The following MUC3A variants were observed in gnomAD, a reference collection of about 807,000 sequenced individuals.
MUC3A encodes mucin 3A, cell surface associated.
MUC3A carries 109 observed loss-of-function variants against 109.0 expected under a neutral mutation model. The ratio of observed to expected loss-of-function variants is 1.00; its 90% CI spans 0.86 to 1.17. MUC3A has a LOEUF of 1.17. Among genes scored for constraint, MUC3A ranks in the 50% most tolerant of loss-of-function variants. The pLI is 0.00. For missense variants in MUC3A, 3,537 were observed against 2,469.4 expected (o/e 1.43, Z -9.16); for synonymous variants, 1,398 against 981.4 (o/e 1.42, Z -7.93).
In MUC3A at chr7:100,965,709, T is replaced by C. The variant is rs1792509519; in HGVS notation, c.9454T>C (p.Cys3152Arg). 3 of 1,596,954 alleles carry C rather than the reference T, an allele frequency of 1.9e-6. No homozygotes were observed. The highest frequency in any genetic ancestry group is 1.1e-5 in the South Asian group (1 of 90,884). The change falls in exon 8 of 12, where the codon TGC (cysteine) becomes CGC (arginine). Residue 3152 changes from cysteine (C) to arginine (R), a missense_variant. Transcript: ENST00000379458. Reference protein sequence around the residue: ...SKTELTPAAICRRAAPTGYEE... With the variant: ...SKTELTPAAIRRRAAPTGYEE... ...TCCCCCTCCCCAACCCCCAGCCATCTGCCGCCGCGCCGCTCCCACGGGCTA... is the reference window on the plus strand; with the variant it reads ...TCCCCCTCCCCAACCCCCAGCCATCCGCCGCCGCGCCGCTCCCACGGGCTA...
At position 100,957,541 on chromosome 7, in the gene MUC3A, C is replaced by A. The variant is rs937434252; in HGVS notation, c.5762C>A (p.Thr1921Asn). ...IATTETPSHS[T>N]PRFTSSITTT... ...ACCACCGAGACCCCCTCACACAGTA[C>A]TCCCAGATTCACTTCTTCAATCACC... is the stretch of plus-strand genomic sequence containing the variant. Residue 1921 changes from threonine (T) to asparagine (N), a missense_variant, in exon 2 of 12, where the codon ACT (threonine) becomes AAT (asparagine). Thr to Asn is a moderately conservative substitution (Grantham distance 65). Transcript: ENST00000379458. The A allele has an allele frequency of 7.6e-6, 12 of 1,574,378 alleles. No homozygotes were observed. Among genetic ancestry groups the A allele is most frequent in the Non-Finnish European group, 1.0e-5 (12 of 1,168,826 alleles).
intron 8 of MUC3A, 144 bp downstream of exon 8, chr7:100,966,010 G>C (rs1191918292): frequency 4.5e-6 from 6 of 1,341,060 alleles, no homozygotes; most frequent in Middle Eastern, 2.6e-4. Flanking sequence ...GCCCATCCCC[G>C]TTGCCCTACA....
chr7:100,963,009 A>G, intron 3 of MUC3A, 142 bp from the exon 4 acceptor site: 1 of 885,014 alleles, frequency 1.1e-6, no homozygotes, highest in Non-Finnish European at 1.7e-6. Context: ...GAATTCCTAC[A>G]TCTGTTCCTG....
rs1792571629 is a variant in MUC3A, at chr7:100,966,571, G to C, written c.9785+12G>C. On this transcript the variant is annotated intron_variant, in intron 9 of 11. Coordinates refer to ENST00000379458, the MANE Select transcript of MUC3A (RefSeq NM_005960.2). ...CAGCGCCGAGGCCGGTGAGCGTGCG[G>C]GGGGCGGGGCCGGGGGGCGAGGGCA... is the stretch of plus-strand genomic sequence containing the variant. 3 of 1,521,740 alleles carry C rather than the reference G, an allele frequency of 2.0e-6. No homozygotes were observed. Among genetic ancestry groups the C allele is most frequent in the Non-Finnish European group, 2.6e-6 (3 of 1,145,532 alleles). The allele number at this position is 1,521,740 out of a possible 1,614,324, so 94.3% of individuals were successfully genotyped here. A position where few individuals can be genotyped will look rare whatever the true frequency, so the allele number is the denominator to read the frequency against.
chr7:100,966,001 C>T (rs1178328828), intron 8 of MUC3A, 135 bp downstream of exon 8: 19 of 1,374,110 alleles, frequency 1.4e-5, no homozygotes, highest in Non-Finnish European at 1.8e-5. Context: ...CCGCTCCAAG[C>T]CCATCCCCGT....
chr7:100,960,734 T>C lies in MUC3A; in HGVS notation c.8867-18T>C. On this transcript the variant is annotated intron_variant, in intron 2 of 11. Coordinates refer to ENST00000379458, the MANE Select transcript of MUC3A (RefSeq NM_005960.2). ...TCAGGCTTTATCCTGAGCTTCCCTT[T>C]CTTTCTGTGTTTTCCAGGCACCTGT... The C allele has an allele frequency of 6.3e-7, 1 of 1,595,384 alleles. No individual in the cohort carries two copies. Among genetic ancestry groups the C allele is most frequent in the Non-Finnish European group, 8.5e-7 (1 of 1,178,308 alleles).
At chr7:100,964,160 G>C (rs1792442178) in intron 5 of MUC3A, 2 of 323,772 alleles carry the variant, frequency 6.2e-6, no homozygotes, top group African/African-American at 2.1e-5. Flanking sequence ...CGTCAGGCCA[G>C]ATGTGGTGGC....
At chr7:100,951,225 AC>A (rs1207648124) in intron 1 of MUC3A, among the ~76,000 whole-genome samples, 3 of 152,226 alleles carry the variant, frequency 2.0e-5, no homozygotes, top group Non-Finnish European at 4.4e-5. Flanking sequence ...CGAACTCCTG[AC>A]CTCAAGTGAT....
chr7:100,960,906 T>G lies in MUC3A; in HGVS notation c.9021T>G (p.Ser3007Arg). The change falls in exon 3 of 12, where the codon AGT (serine) becomes AGG (arginine). Residue 3007 changes from serine (S) to arginine (R), a missense_variant. Transcript: ENST00000379458. ...CQCPSTFYGS[S>R]CEFAVEQVDL... Reference sequence around the variant, plus strand: ...GCCCCAGCACCTTCTATGGTTCCAGTTGTGAGTTTGCTGTGGAACAGGTGG... The same window carrying G: ...GCCCCAGCACCTTCTATGGTTCCAGGTGTGAGTTTGCTGTGGAACAGGTGG... The G allele has an allele frequency of 6.3e-7, 1 of 1,598,540 alleles. No individual in the cohort carries two copies. The highest frequency in any genetic ancestry group is 1.3e-5 in the African/African-American group (1 of 75,086).
At position 100,960,869 on chromosome 7, in the gene MUC3A, T is replaced by C. The variant is rs1792303578; in HGVS notation, c.8984T>C (p.Leu2995Pro). 6.3e-7 allele frequency: 1 copy of C among 1,598,382 alleles called. No homozygotes were observed. Among genetic ancestry groups the C allele is most frequent in the South Asian group, 1.1e-5 (1 of 91,096 alleles). Reference sequence around the variant, plus strand: ...CAGAATGGGGGTCAGTGGGATGGCCTCAAATGCCAGTGCCCCAGCACCTTC... The same window carrying C: ...CAGAATGGGGGTCAGTGGGATGGCCCCAAATGCCAGTGCCCCAGCACCTTC... Reference protein sequence around the residue: ...RCQNGGQWDGLKCQCPSTFYG... With the variant: ...RCQNGGQWDGPKCQCPSTFYG... The change falls in exon 3 of 12, where the codon CTC becomes CCC. Residue 2995 changes from leucine to proline, a missense_variant. Transcript: ENST00000379458.
At chr7:100,966,620 GCT>G in intron 9 of MUC3A, 30 bp from the exon 10 acceptor site, 1 of 1,598,396 alleles carries the variant, frequency 6.3e-7, no homozygotes, top group Non-Finnish European at 8.5e-7. Flanking sequence ...AGGCGGGCCG[GCT>G]CTGTCTGACC....
chr7:100,965,434 G>GGA (rs1563075628), intron 7 of MUC3A, 87 bp downstream of exon 7: 5 of 1,544,890 alleles, frequency 3.2e-6, no homozygotes, highest in Non-Finnish European at 4.3e-6. Context: ...CTGTGGGCAG[G>GGA]GAGAGACCTT....
intron 4 of MUC3A, 54 bp from the exon 5 acceptor site, chr7:100,963,634 G>C: frequency 6.3e-7 from 1 of 1,598,088 alleles, no homozygotes; most frequent in South Asian, 1.1e-5. Context: ...GGGCGTCTGG[G>C]TCCCCTCAGG....
rs1563066341 is a variant in MUC3A at position 100,958,745 on chromosome 7, C to A, written c.6966C>A (p.His2322Gln). 3.3e-6 allele frequency: 4 copies of A among 1,194,734 alleles called. No individual in the cohort carries two copies. The South Asian group carries it at 6.2e-5, about 19-fold the overall frequency. The allele number at this position is 1,194,734 out of a possible 1,614,324, so 74.0% of individuals were successfully genotyped here. ...TTTETTSHSA[H>Q]SFTSSITTTE... ...CGGAGACCACCTCACACAGTGCTCA[C>A]AGCTTCACTTCTTCGATCACCACCA... is the stretch of plus-strand genomic sequence containing the variant. The change falls in exon 2 of 12, where the codon CAC becomes CAA. Residue 2322 changes from histidine (H) to glutamine (Q), a missense_variant. By Grantham distance (24) the His-to-Gln change is conservative (BLOSUM62 0). Transcript: ENST00000379458.
At position 100,959,133 on chromosome 7, in the gene MUC3A, G is replaced by A. The variant is rs1584805078; in HGVS notation, c.7354G>A (p.Val2452Ile). The change falls in exon 2 of 12, where the codon GTC becomes ATC. Residue 2452 changes from valine (V) to isoleucine (I), a missense_variant. Coordinates refer to ENST00000379458, the MANE Select transcript of MUC3A (RefSeq NM_005960.2). ...CAGTTCTTCAACCATCTACTCCACA[G>A]TCAGCACATCCACAACTGCCATCAC... ...SLSSSTIYST[V>I]STSTTAITSH... 1 of 1,380,638 alleles carries A rather than the reference G, an allele frequency of 7.2e-7. No homozygotes were observed. Among genetic ancestry groups the A allele is most frequent in the South Asian group, 1.4e-5 (1 of 71,974 alleles). 85.5% of individuals were successfully genotyped at this position (1,380,638 alleles called of 1,614,324 possible). A position where few individuals can be genotyped will look rare whatever the true frequency, so the allele number is the denominator to read the frequency against.
chr7:100,966,797 A>G (rs1326951438), intron 10 of MUC3A, 54 bp downstream of exon 10: 27 of 1,598,446 alleles, frequency 1.7e-5, no homozygotes, highest in Non-Finnish European at 2.2e-5. Context: ...CACCACTGCG[A>G]GGACAGACGC....
At position 100,960,510 on chromosome 7, in the gene MUC3A, CA is replaced by C. The variant is rs1453137472; in HGVS notation, c.8732del (p.His2911ProfsTer35). ...CCTGAGGACTTCAAGCAAGTCAACA[CA>C]CCCCTCCCCACCCACCACTAGGACT... ...TILRTSSKST[H>X]PSPPTTRTSE... On this transcript the variant is annotated frameshift_variant, in exon 2 of 12. Transcript: ENST00000379458. LOFTEE classifies it high-confidence loss of function. The C allele has an allele frequency of 6.3e-7, 1 of 1,598,604 alleles. No individual in the cohort carries two copies. Among genetic ancestry groups the C allele is most frequent in the Non-Finnish European group, 8.5e-7 (1 of 1,179,836 alleles).
intron 8 of MUC3A, 143 bp from the exon 9 acceptor site, chr7:100,966,243 A>AGACCCATCCGCTTG (rs1792545612): frequency 4.6e-6 from 4 of 860,692 alleles, no homozygotes; most frequent in Non-Finnish European, 6.1e-6. Context: ...TCTAGGGTGG[A>AGACCCATCCGCTTG]TTCCCAGCCC....
At chr7:100,961,048 C>A in intron 3 of MUC3A, 111 bp downstream of exon 3, 2 of 1,558,796 alleles carry the variant, frequency 1.3e-6, no homozygotes, top group South Asian at 2.3e-5. Flanking sequence ...TTTGCCCGGT[C>A]CTTCCCTCCC....
Sources: allele counts gnomAD v4.1 joint callset (sites outside exome capture counted in the v4.1 genomes callset), GRCh38; gene constraint gnomAD v4.1.1; transcripts MANE v1.5; gene names NCBI Gene and HGNC (gene_info 2026-07-23, HGNC 2026-07-21).